Variants in CTBS observed in about 807,000 individuals in gnomAD.
The protein encoded by CTBS is chitobiase, also known as di-N-acetylchitobiase.
In CTBS, 35 loss-of-function variants were observed where a neutral mutation model predicts 44.3. The observed-to-expected ratio is 0.79, with a 90% confidence interval of 0.60 to 1.05. The LOEUF (loss-of-function observed/expected upper bound fraction) is 1.05, where lower values mean the gene tolerates loss of function less well. CTBS is among the 50% of genes least tolerant of loss of function. The pLI, the probability that CTBS is intolerant of heterozygous loss-of-function variation, is 0.00. For missense variants in CTBS, 458 were observed against 475.3 expected (o/e 0.96, Z 0.34); for synonymous variants, 143 against 168.0 (o/e 0.85, Z 1.15).
chr1:84,563,151 T>A, intron 6 of CTBS, 106 bp downstream of exon 6: 3 of 713,386 alleles, frequency 4.2e-6, no homozygotes, highest in Non-Finnish European at 6.3e-6. Flanking sequence ...CTGCATGTTA[T>A]GCCCTAAAAG....
rs747650691 is a variant in CTBS at position 84,550,443 on chromosome 1, A to T, written c.*4556T>A. On this transcript the variant is annotated 3_prime_UTR_variant, in exon 7 of 7. Transcript: ENST00000370630. ...ATCTATCCACACAGAATTACCTAAT[A>T]ATCCAGATCACTGAGGTACAGCATG... 3.9e-6 allele frequency: 6 copies of T among 1,537,384 alleles called. No individual in the cohort carries two copies. Among genetic ancestry groups the T allele is most frequent in the South Asian group, 1.3e-5 (1 of 78,534 alleles).
intron 1 of CTBS, among the ~76,000 whole-genome samples, chr1:84,572,082 G>A (rs1430694002): frequency 4.6e-5 from 7 of 152,128 alleles, no homozygotes; most frequent in African/African-American, 1.7e-4. Context: ...TTTATCTTGG[G>A]ATCAGTGGGA....
Position 84,554,773 on chromosome 1 carries a change from T to G in CTBS, c.*226A>C. On this transcript the variant is annotated 3_prime_UTR_variant, in exon 7 of 7. Coordinates refer to ENST00000370630, the MANE Select transcript of CTBS (RefSeq NM_004388.3). ...TAAATTATAGTGTTGAAACATCTAATAGAGGAATATTTAATAGGTAAGTTG... is the reference window on the plus strand; with the variant it reads ...TAAATTATAGTGTTGAAACATCTAAGAGAGGAATATTTAATAGGTAAGTTG... 2.3e-6 allele frequency: 1 copy of G among 437,708 alleles called. No individual in the cohort carries two copies. The highest frequency in any genetic ancestry group is 4.0e-6 in the Non-Finnish European group (1 of 247,006). 27.1% of individuals were successfully genotyped at this position (437,708 alleles called of 1,614,324 possible).
At chr1:84,568,742 T>TTC (rs1390175678) in intron 3 of CTBS, among the ~76,000 whole-genome samples, 1 of 152,184 alleles carries the variant, frequency 6.6e-6, no homozygotes, top group East Asian at 1.9e-4. Context: ...TCCAGTGCTG[T>TTC]TCTCGTGATA....
At chr1:84,563,700 A>T in intron 5 of CTBS, 35 bp downstream of exon 5, 1 of 1,265,080 alleles carries the variant, frequency 7.9e-7, no homozygotes, top group Non-Finnish European at 1.1e-6. Context: ...AATATAATAG[A>T]TAATAAAAAT....
At chr1:84,566,224 C>A in intron 3 of CTBS, 1 of 234,708 alleles carries the variant, frequency 4.3e-6, no homozygotes. Flanking sequence ...TATATTTGGA[C>A]ATACAATGAC....
Position 84,550,593 on chromosome 1 carries a change from G to A in CTBS, c.*4406C>T. 1 of 1,412,918 alleles carries A rather than the reference G, an allele frequency of 7.1e-7. No homozygotes were observed. The highest frequency in any genetic ancestry group is 9.3e-7 in the Non-Finnish European group (1 of 1,076,982). 87.5% of individuals were successfully genotyped at this position (1,412,918 alleles called of 1,614,324 possible). ...TTATCTTGAAATAAAATATTTTGGT[G>A]TTTTAACTTTGGGTGTCAATAATAT... On this transcript the variant is annotated 3_prime_UTR_variant, in exon 7 of 7. Coordinates refer to ENST00000370630, the MANE Select transcript of CTBS (RefSeq NM_004388.3).
Position 84,569,930 on chromosome 1 carries a change from C to T in CTBS, c.525+1G>A. 3 of 1,609,410 alleles carry T rather than the reference C, an allele frequency of 1.9e-6. No individual in the cohort carries two copies. Among genetic ancestry groups the T allele is most frequent in the Non-Finnish European group, 2.5e-6 (3 of 1,178,844 alleles). On this transcript the variant is annotated splice_donor_variant, in intron 3 of 6. Coordinates refer to ENST00000370630, the MANE Select transcript of CTBS (RefSeq NM_004388.3). LOFTEE classifies it high-confidence loss of function. ...TTTCCAAAAAATAAATGAGTTTTTA[C>T]CTGTGATCCCTCAATTTCACGATGG...
At position 84,552,885 on chromosome 1, in the gene CTBS, C is replaced by T. The variant is rs1036650017; in HGVS notation, c.*2114G>A. The T allele has an allele frequency of 5.9e-5, 34 of 579,376 alleles. No homozygotes were observed. Among genetic ancestry groups the T allele is most frequent in the Non-Finnish European group, 9.2e-6 (3 of 327,720 alleles). 35.9% of individuals were successfully genotyped at this position (579,376 alleles called of 1,614,324 possible). On this transcript the variant is annotated 3_prime_UTR_variant, in exon 7 of 7. Transcript: ENST00000370630. Reference sequence around the variant, plus strand: ...ACAGCATTCATAATCTACACATTTACTGTAGTAATCCAGTGGGAGTTGAAA... The same window carrying T: ...ACAGCATTCATAATCTACACATTTATTGTAGTAATCCAGTGGGAGTTGAAA...
chr1:84,563,920 T>G, intron 4 of CTBS, 88 bp from the exon 5 acceptor site: 1 of 1,397,532 alleles, frequency 7.2e-7, no homozygotes, highest in South Asian at 1.9e-5. Flanking sequence ...AGAATCTGTT[T>G]GTAAAAACAA....
intron 6 of CTBS, among the ~76,000 whole-genome samples, chr1:84,561,577 G>A (rs12075688): frequency 0.054 from 8,177 of 152,246 alleles, 769 homozygotes; most frequent in African/African-American, 0.19. Context: ...TGGGTAAAAT[G>A]CAATCAAATA....
intron 1 of CTBS, among the ~76,000 whole-genome samples, chr1:84,572,690 T>C (rs895577851): frequency 4.6e-5 from 7 of 151,112 alleles, no homozygotes; most frequent in African/African-American, 1.7e-4. Flanking sequence ...TTTTGAGACA[T>C]AGTCTTGCTC....
chr1:84,571,839 T>C (rs1647312560), intron 1 of CTBS, among the ~76,000 whole-genome samples: 1 of 152,082 alleles, frequency 6.6e-6, no homozygotes, highest in South Asian at 2.1e-4. Context: ...TGGGCTGAAA[T>C]CAGCAGAATG....
At chr1:84,571,456 A>G (rs564548362) in intron 1 of CTBS, among the ~76,000 whole-genome samples, 30 of 152,330 alleles carry the variant, frequency 2.0e-4, no homozygotes, top group African/African-American at 7.2e-4. Flanking sequence ...TTGTTTGGTG[A>G]AGCTAGCTTC....
rs1262235672 is a variant in CTBS, at chr1:84,553,070, G to A, written c.*1929C>T. ...AAGCAGTTTCAGATTTACGAACATT[G>A]AAAACTGAACTGGCACAGAAAAAAA... On this transcript the variant is annotated 3_prime_UTR_variant, in exon 7 of 7. Coordinates refer to ENST00000370630, the MANE Select transcript of CTBS (RefSeq NM_004388.3). The A allele has an allele frequency of 2.6e-6, 4 of 1,526,932 alleles. No individual in the cohort carries two copies. Among genetic ancestry groups the A allele is most frequent in the Non-Finnish European group, 2.6e-6 (3 of 1,138,588 alleles). The allele number at this position is 1,526,932 out of a possible 1,614,324, so 94.6% of individuals were successfully genotyped here. A position where few individuals can be genotyped will look rare whatever the true frequency, so the allele number is the denominator to read the frequency against.
intron 1 of CTBS, chr1:84,573,835 G>A (rs1238835826): frequency 5.0e-6 from 5 of 1,002,902 alleles, no homozygotes; most frequent in Non-Finnish European, 6.0e-6. Flanking sequence ...AAAATACTCT[G>A]CATTCTAATG....
intron 2 of CTBS, 120 bp downstream of exon 2, chr1:84,570,462 T>G: frequency 1.2e-6 from 1 of 810,334 alleles, no homozygotes; most frequent in Non-Finnish European, 2.0e-6. Context: ...CTAAGATTAA[T>G]TATAGGATCC....
In CTBS at chr1:84,552,903, A is replaced by T. The variant is rs1570459856; in HGVS notation, c.*2096T>A. The T allele has an allele frequency of 1.6e-6, 1 of 614,424 alleles. No homozygotes were observed. The highest frequency in any genetic ancestry group is 2.9e-6 in the Non-Finnish European group (1 of 346,940). The allele number at this position is 614,424 out of a possible 1,614,324, so 38.1% of individuals were successfully genotyped here. On this transcript the variant is annotated 3_prime_UTR_variant, in exon 7 of 7. Coordinates refer to ENST00000370630, the MANE Select transcript of CTBS (RefSeq NM_004388.3). The stretch of plus-strand genomic sequence containing the variant: ...ACATTTACTGTAGTAATCCAGTGGG[A>T]GTTGAAAGCACTGAAGCCAAATGAG...
intron 4 of CTBS, among the ~76,000 whole-genome samples, chr1:84,564,901 T>C (rs1048461850): frequency 6.6e-6 from 1 of 151,910 alleles, no homozygotes; most frequent in African/African-American, 2.4e-5. Flanking sequence ...TAGCTGGGCA[T>C]GGTGGTGCAT....
Sources: allele counts gnomAD v4.1 joint callset (sites outside exome capture counted in the v4.1 genomes callset), GRCh38; gene constraint gnomAD v4.1.1; transcripts MANE v1.5; gene names NCBI Gene and HGNC (gene_info 2026-07-23, HGNC 2026-07-21).